ADGRG5: variants seen among roughly 807,000 people sequenced by gnomAD.
ADGRG5 encodes G protein-coupled receptor 114.
In ADGRG5, 37 loss-of-function variants were observed where a neutral mutation model predicts 53.2. That is an observed-to-expected ratio of 0.70 (90% CI 0.53 to 0.91). The LOEUF (loss-of-function observed/expected upper bound fraction) is 0.91. Among genes scored for constraint, ADGRG5 ranks in the 40% least tolerant of loss-of-function variants. The pLI is 0.00. For synonymous variants in ADGRG5, 277 were observed against 290.4 expected (o/e 0.95, Z 0.47); for missense variants, 614 against 675.8 (o/e 0.91, Z 1.01).
chr16:57,533,906 G>A, the ADGRG5 span, among the ~76,000 whole-genome samples: 1 of 152,158 alleles, frequency 6.6e-6, no homozygotes, highest in African/African-American at 2.4e-5. Flanking sequence ...ATGTGCGTGG[G>A]GCGTGGCCTC....
At chr16:57,561,993 C>T (rs1376221592) in intron 1 of ADGRG5, 63 bp from the exon 2 acceptor site, 6 of 872,062 alleles carry the variant, frequency 6.9e-6, no homozygotes, top group African/African-American at 5.1e-5. Flanking sequence ...TGGGACATGC[C>T]AGACACCTAG....
chr16:57,560,355 C>T (rs1284005331), intron 1 of ADGRG5, among the ~76,000 whole-genome samples: 1 of 152,166 alleles, frequency 6.6e-6, no homozygotes, highest in Non-Finnish European at 1.5e-5. Flanking sequence ...CTCAGTAATC[C>T]TTGGTTGACC....
chr16:57,530,503 G>GCTGT, the ADGRG5 span, among the ~76,000 whole-genome samples: 1 of 152,094 alleles, frequency 6.6e-6, no homozygotes, highest in Non-Finnish European at 1.5e-5. Flanking sequence ...CTCGGCACTG[G>GCTGT]CTGTCCCCAA....
upstream of ADGRG5, among the ~76,000 whole-genome samples, chr16:57,539,114 A>G (rs535177634): frequency 3.2e-4 from 48 of 152,354 alleles, no homozygotes; most frequent in African/African-American, 1.1e-3. Flanking sequence ...TGTAATATGT[A>G]TTATACACAT....
the ADGRG5 span, among the ~76,000 whole-genome samples, chr16:57,530,535 G>A: frequency 6.6e-6 from 1 of 152,084 alleles, no homozygotes; most frequent in African/African-American, 2.4e-5. Flanking sequence ...AGCCCTCTAT[G>A]TCCCCTCTCC....
At chr16:57,558,733 A>C (rs2032935746) in intron 1 of ADGRG5, among the ~76,000 whole-genome samples, 2 of 151,922 alleles carry the variant, frequency 1.3e-5, no homozygotes, top group Non-Finnish European at 1.5e-5. Flanking sequence ...AGTGGAAGTG[A>C]GATTCCTGTT....
intron 1 of ADGRG5, among the ~76,000 whole-genome samples, chr16:57,544,372 T>G (rs2032566315): frequency 6.6e-6 from 1 of 152,088 alleles, no homozygotes; most frequent in Admixed American, 6.6e-5. Context: ...CATGGTGACC[T>G]CTCTGAAGGG....
chr16:57,551,491 T>C (rs1220625874), intron 1 of ADGRG5, among the ~76,000 whole-genome samples: 1 of 152,200 alleles, frequency 6.6e-6, no homozygotes, highest in Non-Finnish European at 1.5e-5. Context: ...TAGATTCCAT[T>C]TCAAAAAACC....
intron 1 of ADGRG5, among the ~76,000 whole-genome samples, chr16:57,554,276 G>C (rs1217086908): frequency 6.6e-6 from 1 of 151,782 alleles, no homozygotes; most frequent in African/African-American, 2.4e-5. Flanking sequence ...ATTCTGCCTA[G>C]AGACTTATCA....
the ADGRG5 span, among the ~76,000 whole-genome samples, chr16:57,531,817 G>A: frequency 6.6e-6 from 1 of 152,098 alleles, no homozygotes; most frequent in Non-Finnish European, 1.5e-5. Context: ...GGCTTCTCCT[G>A]GCAAACGCCA....
At chr16:57,534,147 G>C in the ADGRG5 span, among the ~76,000 whole-genome samples, 2 of 152,082 alleles carry the variant, frequency 1.3e-5, no homozygotes, top group Non-Finnish European at 2.9e-5. Flanking sequence ...GAAATGCCTT[G>C]ATCTCCCCAA....
upstream of ADGRG5, among the ~76,000 whole-genome samples, chr16:57,540,418 G>C (rs1417342286): frequency 6.6e-6 from 1 of 152,164 alleles, no homozygotes; most frequent in African/African-American, 2.4e-5. Context: ...TACTCACCAG[G>C]GTAAGTAGCC....
the ADGRG5 span, among the ~76,000 whole-genome samples, chr16:57,533,717 G>A: frequency 2.0e-5 from 3 of 150,840 alleles, no homozygotes; most frequent in African/African-American, 7.3e-5. Context: ...TACAGCCCCG[G>A]TAATGCACAG....
At chr16:57,551,932 C>G (rs2146767312) in intron 1 of ADGRG5, among the ~76,000 whole-genome samples, 1 of 152,294 alleles carries the variant, frequency 6.6e-6, no homozygotes, top group South Asian at 2.1e-4. Context: ...GTTGTGTTAG[C>G]AGCACGAGAA....
intron 1 of ADGRG5, among the ~76,000 whole-genome samples, chr16:57,548,112 C>G (rs1232604786): frequency 2.0e-5 from 3 of 151,746 alleles, no homozygotes; most frequent in African/African-American, 7.3e-5. Flanking sequence ...CTCCTGGCCT[C>G]AAGCGATTCT....
chr16:57,542,612 C>G (rs1403637870), upstream of ADGRG5: 1 of 151,730 alleles, frequency 6.6e-6, no homozygotes, highest in Non-Finnish European at 1.5e-5. Context: ...AGAGGCCACC[C>G]ACAGACGCCT....
At chr16:57,560,129 T>G (rs2032968201) in intron 1 of ADGRG5, among the ~76,000 whole-genome samples, 1 of 152,246 alleles carries the variant, frequency 6.6e-6, no homozygotes, top group African/African-American at 2.4e-5. Flanking sequence ...GGGCATTCTT[T>G]TCTCCTGCTC....
chr16:57,563,287 G>A (rs767429239), intron 4 of ADGRG5, 40 bp downstream of exon 4: 23 of 1,583,594 alleles, frequency 1.5e-5, no homozygotes, highest in African/African-American at 1.1e-4. Context: ...CAGCTGCCCC[G>A]CCCTAGAAGT....
chr16:57,556,508 A>G (rs565365667), intron 1 of ADGRG5, among the ~76,000 whole-genome samples: 1 of 152,304 alleles, frequency 6.6e-6, no homozygotes, highest in Non-Finnish European at 1.5e-5. Context: ...TAGGATTTAA[A>G]TACACATATT....
Sources: allele counts gnomAD v4.1 joint callset (sites outside exome capture counted in the v4.1 genomes callset), GRCh38; gene constraint gnomAD v4.1.1; transcripts MANE v1.5; gene names NCBI Gene and HGNC (gene_info 2026-07-23, HGNC 2026-07-21).